ARHGAP42: variants seen among roughly 807,000 people sequenced by gnomAD.
ARHGAP42 encodes the protein rho GTPase-activating protein 42.
Under a neutral mutation model 125.0 loss-of-function variants are expected in ARHGAP42, and 63 were observed. The observed-to-expected ratio is 0.50, with a 90% CI of 0.41 to 0.62. The LOEUF (loss-of-function observed/expected upper bound fraction) is 0.62, where lower values mean the gene tolerates loss of function less well. Among genes scored for constraint, ARHGAP42 ranks in the 20% least tolerant of loss-of-function variants. ARHGAP42 has a pLI of 0.00. For synonymous variants in ARHGAP42, 339 were observed against 351.0 expected (o/e 0.97, Z 0.38); for missense variants, 766 against 1,024.2 (o/e 0.75, Z 3.44).
At chr11:100,893,558 C>T (rs1866274827) in intron 4 of ARHGAP42, among the ~76,000 whole-genome samples, 1 of 152,018 alleles carries the variant, frequency 6.6e-6, no homozygotes, top group Admixed American at 6.6e-5. Context: ...CAGATTGTCA[C>T]CTTATTCAGT....
chr11:100,809,022 C>T (rs1864074506), intron 3 of ARHGAP42, among the ~76,000 whole-genome samples: 1 of 152,120 alleles, frequency 6.6e-6, no homozygotes, highest in South Asian at 2.1e-4. Flanking sequence ...TGGGGCATCT[C>T]ATTTATCTGT....
intron 1 of ARHGAP42, among the ~76,000 whole-genome samples, chr11:100,701,143 C>CTTTT (rs200859842): frequency 7.2e-6 from 1 of 138,790 alleles, no homozygotes; most frequent in Non-Finnish European, 1.6e-5. Context: ...GTAAAATGAA[C>CTTTT]TTTTTTTTTT....
Position 100,961,829 on chromosome 11 carries a change from A to AATC in ARHGAP42, c.1385+62_1385+63insTCA, listed in dbSNP as rs1274072803. 6 of 1,378,100 alleles carry AATC rather than the reference A, an allele frequency of 4.4e-6. No homozygotes were observed. The East Asian group carries it at 1.5e-4, about 34-fold the overall frequency. 85.4% of individuals were successfully genotyped at this position (1,378,100 alleles called of 1,614,324 possible). On this transcript the variant is annotated intron_variant, in intron 15 of 23. Coordinates refer to ENST00000298815, the MANE Select transcript of ARHGAP42 (RefSeq NM_152432.4). Reference sequence around the variant, plus strand: ...ATCTCTGACTCACCCCTTGAGTAGTAACCACGTGATTTCTTGGAGCCTGTG... The same window carrying AATC: ...ATCTCTGACTCACCCCTTGAGTAGTAATCACCACGTGATTTCTTGGAGCCTGTG...
chr11:100,804,915 A>G (rs1863954600), intron 3 of ARHGAP42, among the ~76,000 whole-genome samples: 1 of 152,228 alleles, frequency 6.6e-6, no homozygotes, highest in Non-Finnish European at 1.5e-5. Flanking sequence ...TGGTCAGTAC[A>G]TTAGACATCA....
intron 4 of ARHGAP42, among the ~76,000 whole-genome samples, chr11:100,901,039 G>A (rs1866531536): frequency 6.6e-6 from 1 of 152,076 alleles, no homozygotes; most frequent in South Asian, 2.1e-4. Flanking sequence ...ATCTGCCTTT[G>A]GTCTTTGATG....
chr11:100,882,364 T>A (rs146523250), intron 4 of ARHGAP42, among the ~76,000 whole-genome samples: 65 of 152,340 alleles, frequency 4.3e-4, no homozygotes, highest in African/African-American at 1.4e-3. Flanking sequence ...GTAATTTTTG[T>A]TTTTAATTCT....
At chr11:100,697,152 G>A (rs1861298030) in intron 1 of ARHGAP42, among the ~76,000 whole-genome samples, 1 of 151,828 alleles carries the variant, frequency 6.6e-6, no homozygotes, top group Admixed American at 6.6e-5. Context: ...ATGGTCATCA[G>A]TGGTGGAATT....
chr11:100,968,171 C>G (rs1403000824), intron 17 of ARHGAP42, among the ~76,000 whole-genome samples: 2 of 152,080 alleles, frequency 1.3e-5, no homozygotes, highest in African/African-American at 4.8e-5. Context: ...TACTTTCAAC[C>G]TGTTTGTATT....
chr11:100,730,207 C>T (rs2120302115), intron 1 of ARHGAP42, among the ~76,000 whole-genome samples: 1 of 152,086 alleles, frequency 6.6e-6, no homozygotes, highest in East Asian at 1.9e-4. Context: ...CTTCATTTTC[C>T]TCAAGGACAT....
At chr11:100,718,565 C>T (rs1008567818) in intron 1 of ARHGAP42, among the ~76,000 whole-genome samples, 6 of 152,142 alleles carry the variant, frequency 3.9e-5, no homozygotes, top group African/African-American at 1.4e-4. Context: ...AGGACTCAAA[C>T]ACACCACGAA....
intron 6 of ARHGAP42, among the ~76,000 whole-genome samples, chr11:100,927,044 T>A (rs949249307): frequency 6.6e-6 from 1 of 152,232 alleles, no homozygotes; most frequent in Non-Finnish European, 1.5e-5. Context: ...CTTTTGATGC[T>A]CTTCCCTTGG....
chr11:100,927,569 C>T (rs1867461697), intron 6 of ARHGAP42, among the ~76,000 whole-genome samples: 1 of 151,938 alleles, frequency 6.6e-6, no homozygotes, highest in Non-Finnish European at 1.5e-5. Flanking sequence ...AAAACTGCAT[C>T]CTATGTGTTT....
intron 3 of ARHGAP42, among the ~76,000 whole-genome samples, chr11:100,831,470 G>A (rs994497287): frequency 6.6e-6 from 1 of 152,116 alleles, no homozygotes; most frequent in African/African-American, 2.4e-5. Flanking sequence ...AGTTAATAGG[G>A]TGTTCTTTTT....
At chr11:100,831,101 T>C (rs987443382) in intron 3 of ARHGAP42, among the ~76,000 whole-genome samples, 3 of 152,176 alleles carry the variant, frequency 2.0e-5, no homozygotes, top group African/African-American at 4.8e-5. Flanking sequence ...TGGAATCCTG[T>C]TTCCACTATG....
intron 11 of ARHGAP42, among the ~76,000 whole-genome samples, chr11:100,949,332 T>G (rs1200875812): frequency 1.3e-5 from 2 of 152,158 alleles, no homozygotes; most frequent in Non-Finnish European, 2.9e-5. Flanking sequence ...TGTAGCCACT[T>G]GGGTTATTTT....
chr11:100,940,966 G>A (rs950409075), intron 8 of ARHGAP42, among the ~76,000 whole-genome samples: 8 of 152,104 alleles, frequency 5.3e-5, no homozygotes, highest in African/African-American at 1.2e-4. Flanking sequence ...AGTGATAACC[G>A]CTAAGAAGAA....
At chr11:100,880,242 C>G (rs1865925418) in intron 4 of ARHGAP42, among the ~76,000 whole-genome samples, 1 of 152,122 alleles carries the variant, frequency 6.6e-6, no homozygotes, top group African/African-American at 2.4e-5. Flanking sequence ...AGTCTTTTAT[C>G]CCTCACCCCA....
intron 2 of ARHGAP42, among the ~76,000 whole-genome samples, chr11:100,772,231 A>G (rs61890765): frequency 0.26 from 39,315 of 152,108 alleles, 5,320 homozygotes; most frequent in Non-Finnish European, 0.29. Context: ...AGCTGAATGA[A>G]TTTCAGCTTC....
At chr11:100,845,792 T>C (rs1487627552) in intron 3 of ARHGAP42, among the ~76,000 whole-genome samples, 1 of 152,160 alleles carries the variant, frequency 6.6e-6, no homozygotes, top group African/African-American at 2.4e-5. Context: ...TGTACCTTAG[T>C]AATGTAGATA....
Sources: allele counts gnomAD v4.1 joint callset (sites outside exome capture counted in the v4.1 genomes callset), GRCh38; gene constraint gnomAD v4.1.1; transcripts MANE v1.5; gene names NCBI Gene and HGNC (gene_info 2026-07-23, HGNC 2026-07-21).